Variants in RNF13 observed in about 807,000 individuals in gnomAD.
The protein encoded by RNF13 is E3 ubiquitin-protein ligase RNF13.
RNF13 carries 19 observed loss-of-function variants against 37.7 expected under a neutral mutation model. That is an observed-to-expected ratio of 0.50 (90% CI 0.35 to 0.74). The LOEUF is 0.74. RNF13 is among the 30% of genes least tolerant of loss of function. The pLI, the probability that RNF13 is intolerant of heterozygous loss-of-function variation, is 0.01. For synonymous variants in RNF13, 144 were observed against 157.8 expected (o/e 0.91, Z 0.65); for missense variants, 375 against 453.0 (o/e 0.83, Z 1.56).
At chr3:149,861,646 G>C (rs1724265318) in intron 3 of RNF13, among the ~76,000 whole-genome samples, 2 of 152,118 alleles carry the variant, frequency 1.3e-5, no homozygotes, top group African/African-American at 4.8e-5. Flanking sequence ...TTGAGAGGGG[G>C]AGATGAAGAA....
At chr3:149,939,372 G>T in intron 8 of RNF13, 1 of 486,868 alleles carries the variant, frequency 2.1e-6, no homozygotes, top group South Asian at 1.6e-5. Flanking sequence ...ACCTCCGGGG[G>T]CAGATCGCTT....
At chr3:149,880,750 A>G (rs978683896) in intron 4 of RNF13, among the ~76,000 whole-genome samples, 1 of 152,162 alleles carries the variant, frequency 6.6e-6, no homozygotes, top group African/African-American at 2.4e-5. Flanking sequence ...AAAGACCTAT[A>G]AGCTAATGAC....
intron 3 of RNF13, among the ~76,000 whole-genome samples, chr3:149,853,457 A>G (rs1387313859): frequency 7.8e-5 from 1 of 12,882 alleles, no homozygotes; most frequent in Non-Finnish European, 2.3e-4. Flanking sequence ...AGAGAGAGGG[A>G]GAGAGAGAGA....
intron 8 of RNF13, among the ~76,000 whole-genome samples, chr3:149,958,780 A>G (rs1212032196): frequency 1.3e-5 from 2 of 152,236 alleles, no homozygotes; most frequent in Non-Finnish European, 2.9e-5. Context: ...AGTTGAGTCT[A>G]ATAAGTCTCA....
At position 149,919,890 on chromosome 3, in the gene RNF13, T is replaced by C. The variant is rs376089808; in HGVS notation, c.607-1244T>C. On this transcript the variant is annotated intron_variant, in intron 7 of 9. Coordinates refer to ENST00000392894, the MANE Select transcript of RNF13 (RefSeq NM_183381.3). The stretch of plus-strand genomic sequence containing the variant: ...TGTATGAGAGTGCCAGTCCCTCCAC[T>C]TCCGTGCCAACGCTTGGTATAGTCA... Among the ~76,000 whole-genome samples, 6 of 152,340 alleles carry C rather than the reference T, an allele frequency of 3.9e-5. No individual in the cohort carries two copies. In the East Asian group the frequency reaches 9.6e-4, roughly 24 times the overall value.
chr3:149,857,404 T>A (rs1290638791), intron 3 of RNF13, among the ~76,000 whole-genome samples: 1 of 152,228 alleles, frequency 6.6e-6, no homozygotes, highest in Non-Finnish European at 1.5e-5. Context: ...CACATCAGTG[T>A]TACAGAAGTT....
intron 8 of RNF13, among the ~76,000 whole-genome samples, chr3:149,927,001 A>G (rs1398209667): frequency 1.3e-5 from 2 of 152,178 alleles, no homozygotes; most frequent in Non-Finnish European, 2.9e-5. Context: ...TTTTTATTGT[A>G]GCAGAATACA....
intron 4 of RNF13, among the ~76,000 whole-genome samples, chr3:149,885,428 T>G (rs1228252107): frequency 3.3e-5 from 5 of 152,204 alleles, no homozygotes; most frequent in African/African-American, 1.2e-4. Context: ...GCATTTCAAC[T>G]GGGGTGAGAT....
intron 4 of RNF13, among the ~76,000 whole-genome samples, chr3:149,884,275 G>A (rs1713759334): frequency 6.6e-6 from 1 of 151,988 alleles, no homozygotes. Context: ...TTATTTTCAG[G>A]CTTGTTTTTA....
chr3:149,906,246 T>A (rs535095712), intron 6 of RNF13, among the ~76,000 whole-genome samples: 149 of 152,336 alleles, frequency 9.8e-4, no homozygotes, highest in Non-Finnish European at 1.8e-3. Flanking sequence ...GGATGGACAT[T>A]TAGCTTGTTT....
At chr3:149,899,995 A>G (rs1715660313) in intron 5 of RNF13, among the ~76,000 whole-genome samples, 1 of 152,226 alleles carries the variant, frequency 6.6e-6, no homozygotes, top group South Asian at 2.1e-4. Flanking sequence ...TGTACTTCAC[A>G]GAGTTGTTTT....
intron 6 of RNF13, among the ~76,000 whole-genome samples, 197 bp downstream of exon 6, chr3:149,902,359 A>C (rs1362478238): frequency 1.3e-5 from 2 of 152,052 alleles, no homozygotes; most frequent in Non-Finnish European, 2.9e-5. Context: ...TTATGTTGAA[A>C]ATATATTCAT....
intron 1 of RNF13, among the ~76,000 whole-genome samples, chr3:149,828,069 T>C (rs1241195482): frequency 6.6e-6 from 1 of 152,124 alleles, no homozygotes; most frequent in Non-Finnish European, 1.5e-5. Flanking sequence ...CTGAACTAAG[T>C]GCGAGTCATT....
intron 2 of RNF13, among the ~76,000 whole-genome samples, chr3:149,849,221 T>C (rs1417843124): frequency 2.0e-5 from 3 of 152,176 alleles, no homozygotes; most frequent in Admixed American, 1.3e-4. Context: ...ACAAGTGACA[T>C]GTTAGTTTTG....
chr3:149,951,042 A>G lies in RNF13; in HGVS notation c.701-9014A>G, dbSNP rs1576593263. ...TGTTCAGAACATAATGCTTCTCCCGACCACCCCCAATACCTGAGGGGATTT... is the reference window on the plus strand; with the variant it reads ...TGTTCAGAACATAATGCTTCTCCCGGCCACCCCCAATACCTGAGGGGATTT... On this transcript the variant is annotated intron_variant, in intron 8 of 9. Coordinates refer to ENST00000392894, the MANE Select transcript of RNF13 (RefSeq NM_183381.3). Among the ~76,000 whole-genome samples the G allele has an allele frequency of 3.3e-5, 5 of 152,182 alleles. No homozygotes were observed. In the East Asian group the frequency reaches 9.7e-4, roughly 29 times the overall value.
chr3:149,834,588 A>G (rs774392545), intron 1 of RNF13, among the ~76,000 whole-genome samples: 24 of 152,234 alleles, frequency 1.6e-4, no homozygotes, highest in Admixed American at 1.1e-3. Context: ...TAGATCCCTC[A>G]TGAATGGCTT....
chr3:149,933,678 G>C (rs541744498), intron 8 of RNF13, among the ~76,000 whole-genome samples: 1 of 151,060 alleles, frequency 6.6e-6, no homozygotes, highest in African/African-American at 2.4e-5. Flanking sequence ...CTGCCTGCCA[G>C]GTTCAAGCAA....
At chr3:149,874,343 A>G (rs1453177835) in intron 4 of RNF13, among the ~76,000 whole-genome samples, 3 of 152,162 alleles carry the variant, frequency 2.0e-5, no homozygotes, top group South Asian at 2.1e-4. Context: ...ATACATTTCA[A>G]TCTCATCTTT....
chr3:149,834,776 T>G (rs1180166499), intron 1 of RNF13, among the ~76,000 whole-genome samples: 2 of 152,248 alleles, frequency 1.3e-5, no homozygotes, highest in Non-Finnish European at 2.9e-5. Flanking sequence ...CAGATATAGA[T>G]GTTGGTACCA....
Sources: allele counts gnomAD v4.1 joint callset (sites outside exome capture counted in the v4.1 genomes callset), GRCh38; gene constraint gnomAD v4.1.1; transcripts MANE v1.5; gene names NCBI Gene and HGNC (gene_info 2026-07-23, HGNC 2026-07-21).